LONRF1: variants seen among roughly 807,000 people sequenced by gnomAD.
LONRF1 encodes the protein LON peptidase N-terminal domain and RING finger protein 1.
Under a neutral mutation model 85.8 loss-of-function variants are expected in LONRF1, and 37 were observed. The observed-to-expected ratio is 0.43, with a 90% CI of 0.33 to 0.57. LONRF1 has a LOEUF of 0.57. Among genes scored for constraint, LONRF1 ranks in the 20% least tolerant of loss-of-function variants. LONRF1 has a pLI of 0.04. For synonymous variants in LONRF1, 517 were observed against 390.1 expected, an observed-to-expected ratio of 1.33 and a Z score of -3.83; for missense variants, 1,036 against 978.0, an observed-to-expected ratio of 1.06 and a Z score of -0.79.
chr8:12,744,808 C>A (rs111476137), intron 1 of LONRF1, among the ~76,000 whole-genome samples: 3,106 of 152,298 alleles, frequency 0.02, 62 homozygotes, highest in South Asian at 0.11. Context: ...ATCCTTGAGA[C>A]AGACTCCGCT....
intron 1 of LONRF1, among the ~76,000 whole-genome samples, chr8:12,751,307 T>TTTTGTTTTTTTTTTG (rs1563160700): frequency 2.1e-4 from 8 of 38,586 alleles, no homozygotes; most frequent in South Asian, 1.2e-3. Flanking sequence ...TTTTTTTTTT[T>TTTTGTTTTTTTTTTG]TTTTTTTTTT....
At chr8:12,750,406 T>C (rs2117345894) in intron 1 of LONRF1, among the ~76,000 whole-genome samples, 1 of 152,330 alleles carries the variant, frequency 6.6e-6, no homozygotes, top group African/African-American at 2.4e-5. Flanking sequence ...TATACTATCA[T>C]ACCTGTGATA....
At chr8:12,732,520 C>T (rs1798566705) in intron 7 of LONRF1, among the ~76,000 whole-genome samples, 1 of 152,140 alleles carries the variant, frequency 6.6e-6, no homozygotes. Context: ...CCTAAATACT[C>T]TGAAAAAGTA....
chr8:12,725,878 A>G lies in LONRF1; in HGVS notation c.2012T>C (p.Val671Ala), dbSNP rs1488500650. ...ATTCTTAATCTCATCTTCATTCTCA[A>G]CCTAGAAATACAATAGTCAGTAAGA... ...ADIEYLEDVK[V>A]ENEDEIKNLR... The change falls in exon 11 of 12, where the codon GTT becomes GCT. Residue 671 changes from valine (V) to alanine (A), a missense_variant and splice_region_variant. Transcript: ENST00000398246. 1.9e-6 allele frequency: 3 copies of G among 1,606,866 alleles called. No individual in the cohort carries two copies. In the African/African-American group the frequency reaches 4.0e-5, roughly 21 times the overall value.
intron 10 of LONRF1, 39 bp from the exon 11 acceptor site, chr8:12,725,918 C>G (rs755112315): frequency 6.3e-7 from 1 of 1,579,694 alleles, no homozygotes; most frequent in African/African-American, 1.3e-5. Flanking sequence ...TGTGTCTAAT[C>G]CCCCGTCCAT....
chr8:12,742,910 G>C (rs969074961), intron 2 of LONRF1, among the ~76,000 whole-genome samples: 1 of 152,086 alleles, frequency 6.6e-6, no homozygotes, highest in African/African-American at 2.4e-5. Context: ...GTTTTTTGTA[G>C]AGATGGGGTT....
At chr8:12,745,470 T>A (rs1198459064) in intron 1 of LONRF1, among the ~76,000 whole-genome samples, 1 of 152,102 alleles carries the variant, frequency 6.6e-6, no homozygotes, top group Non-Finnish European at 1.5e-5. Flanking sequence ...ATACACAAGG[T>A]CTGCCTTCCA....
chr8:12,728,738 C>T (rs956018125), intron 10 of LONRF1, among the ~76,000 whole-genome samples, 163 bp downstream of exon 10: 30 of 152,164 alleles, frequency 2.0e-4, no homozygotes, highest in Non-Finnish European at 1.2e-4. Flanking sequence ...GCAACAGTTT[C>T]AGAGCAAGAT....
chr8:12,731,741 G>C lies in LONRF1; in HGVS notation c.1683C>G (p.Leu561=), dbSNP rs1391147914. 6.2e-7 allele frequency: 1 copy of C among 1,610,348 alleles called. No homozygotes were observed. Among genetic ancestry groups the C allele is most frequent in the South Asian group, 1.1e-5 (1 of 90,296 alleles). ...TTTTATGAGAAGAAACTTACTGTGA[G>C]AGTTCAGCAGTTTCTTCATCATATA... ...KKIYDEETAE[L]SHLTKNVPIF... The change falls in exon 8 of 12, where the codon CTC becomes CTG. Residue 561 remains leucine, a synonymous_variant. Transcript: ENST00000398246.
At chr8:12,725,963 G>A (rs569132339) in intron 10 of LONRF1, 84 bp from the exon 11 acceptor site, 80 of 1,318,010 alleles carry the variant, frequency 6.1e-5, no homozygotes, top group Non-Finnish European at 3.8e-5. Flanking sequence ...TGGAAAAAGG[G>A]ATCAGAAGAA....
chr8:12,733,015 T>C (rs10087856), intron 7 of LONRF1, among the ~76,000 whole-genome samples: 1,793 of 152,230 alleles, frequency 0.012, 33 homozygotes, highest in African/African-American at 0.041. Context: ...TTTCAAAGTT[T>C]AGCATGAATC....
At chr8:12,737,392 T>G (rs1315118347) in intron 4 of LONRF1, 1 of 646,528 alleles carries the variant, frequency 1.5e-6, no homozygotes, top group Non-Finnish European at 2.8e-6. Flanking sequence ...AAAAAAAGCC[T>G]GAACATATAT....
At chr8:12,727,934 C>T (rs2117231761) in intron 10 of LONRF1, among the ~76,000 whole-genome samples, 1 of 152,300 alleles carries the variant, frequency 6.6e-6, no homozygotes, top group African/African-American at 2.4e-5. Context: ...AGACAGTTTG[C>T]TTTAATCATT....
At chr8:12,754,414 A>C in intron 1 of LONRF1, 11 of 270,728 alleles carry the variant, frequency 4.1e-5, no homozygotes, top group East Asian at 6.6e-5. Context: ...CCGCGCCGGG[A>C]GCGCGCGCCC....
chr8:12,728,818 A>C (rs531332854), intron 10 of LONRF1, 83 bp downstream of exon 10: 4 of 1,488,166 alleles, frequency 2.7e-6, no homozygotes, highest in African/African-American at 2.8e-5. Flanking sequence ...TGGTTCATGC[A>C]CCTAGAAAAT....
chr8:12,751,819 G>A (rs1162805882), intron 1 of LONRF1, among the ~76,000 whole-genome samples: 4 of 152,000 alleles, frequency 2.6e-5, no homozygotes, highest in Admixed American at 1.3e-4. Context: ...CAGGCAGCAT[G>A]GCTTAGGGGG....
At chr8:12,730,893 ATT>A (rs1336282379) in intron 8 of LONRF1, among the ~76,000 whole-genome samples, 1 of 152,232 alleles carries the variant, frequency 6.6e-6, no homozygotes, top group Non-Finnish European at 1.5e-5. Flanking sequence ...TTCAATTTAT[ATT>A]TTGAAAATCA....
In LONRF1 at chr8:12,754,769, GCCTGCCGGCCGCCCGGGCCCGCT is replaced by G; in HGVS notation, c.629_651del (p.Glu210AlafsTer27). ...CGCCCCTGGTGCAGTAGCTCCCCGA[GCCTGCCGGCCGCCCGGGCCCGCT>G]CGCGCTGGCCCGGAAACCACTTCTC... is the stretch of plus-strand genomic sequence containing the variant. On this transcript the variant is annotated frameshift_variant, in exon 1 of 12. Coordinates refer to ENST00000398246, the MANE Select transcript of LONRF1 (RefSeq NM_152271.5). LOFTEE classifies it high-confidence loss of function. The G allele has an allele frequency of 6.8e-7, 1 of 1,471,646 alleles. No individual in the cohort carries two copies. Among genetic ancestry groups the G allele is most frequent in the Non-Finnish European group, 8.9e-7 (1 of 1,119,934 alleles). 91.2% of individuals were successfully genotyped at this position (1,471,646 alleles called of 1,614,324 possible).
Position 12,731,800 on chromosome 8 carries a change from A to G in LONRF1, c.1624T>C (p.Tyr542His). ...TQLLEELIVK[Y>H]LPDELSERKK... ...CTCTCAGACAGTTCATCAGGCAGATACTTCACTATTAATTCTTCCAACAGC... is the reference window on the plus strand; with the variant it reads ...CTCTCAGACAGTTCATCAGGCAGATGCTTCACTATTAATTCTTCCAACAGC... Residue 542 changes from tyrosine to histidine, a missense_variant, in exon 8 of 12, where the codon TAT (tyrosine) becomes CAT (histidine). Coordinates refer to ENST00000398246, the MANE Select transcript of LONRF1 (RefSeq NM_152271.5). 2 of 1,612,380 alleles carry G rather than the reference A, an allele frequency of 1.2e-6. No homozygotes were observed. Among genetic ancestry groups the G allele is most frequent in the Non-Finnish European group, 1.7e-6 (2 of 1,178,526 alleles).
Sources: allele counts gnomAD v4.1 joint callset (sites outside exome capture counted in the v4.1 genomes callset), GRCh38; gene constraint gnomAD v4.1.1; transcripts MANE v1.5; gene names NCBI Gene and HGNC (gene_info 2026-07-23, HGNC 2026-07-21).